RUFY1: variants seen among roughly 807,000 people sequenced by gnomAD.
RUFY1 encodes the protein RUN and FYVE domain-containing protein 1.
A neutral mutation model predicts 94.6 loss-of-function variants in RUFY1; 54 were observed. The observed-to-expected ratio is 0.57, with a 90% CI of 0.46 to 0.72. The LOEUF (loss-of-function observed/expected upper bound fraction) is 0.72, where lower values mean the gene tolerates loss of function less well. Among genes scored for constraint, RUFY1 ranks in the 30% least tolerant of loss-of-function variants. The pLI is 0.00. For synonymous variants in RUFY1, 396 were observed against 347.3 expected (o/e 1.14, Z -1.56); for missense variants, 883 against 883.9 (o/e 1.00, Z 0.01).
chr5:179,598,647 A>G (rs1287674625), intron 13 of RUFY1, 45 bp from the exon 14 acceptor site: 4 of 1,608,794 alleles, frequency 2.5e-6, no homozygotes, highest in Non-Finnish European at 3.4e-6. Flanking sequence ...ATCTTCCGTG[A>G]AAGTCTCCCA....
intron 6 of RUFY1, among the ~76,000 whole-genome samples, chr5:179,577,831 G>A (rs1216674352): frequency 1.5e-5 from 2 of 136,402 alleles, no homozygotes; most frequent in African/African-American, 5.6e-5. Flanking sequence ...CCCGCCTGCC[G>A]AACGGGTAAT....
chr5:179,593,114 C>T (rs1451045775), intron 10 of RUFY1, among the ~76,000 whole-genome samples: 1 of 152,098 alleles, frequency 6.6e-6, no homozygotes, highest in East Asian at 1.9e-4. Context: ...ACAGTCTCAC[C>T]CTGTCACCCA....
rs997652733 is a variant in RUFY1 at position 179,584,597 on chromosome 5, C to T, written c.957-1199C>T. On this transcript the variant is annotated intron_variant, in intron 7 of 17. Transcript: ENST00000319449. Reference sequence around the variant, plus strand: ...AGGAGTTCAAGATCAGTCTGGGTGACATAGTGAAACCTCACCTCTACAAAA... The same window carrying T: ...AGGAGTTCAAGATCAGTCTGGGTGATATAGTGAAACCTCACCTCTACAAAA... Among the ~76,000 whole-genome samples the T allele has an allele frequency of 4.0e-5, 6 of 151,630 alleles. 1 individual carries two copies. Among genetic ancestry groups the T allele is most frequent in the Non-Finnish European group, 8.8e-5 (6 of 67,882 alleles).
At chr5:179,579,657 C>CTTCTTTTTTTTTTTTTTTTTTTTTT (rs1433456916) in intron 6 of RUFY1, among the ~76,000 whole-genome samples, 3 of 50,562 alleles carry the variant, frequency 5.9e-5, no homozygotes, top group Non-Finnish European at 7.5e-5. Flanking sequence ...TTTTCTTCTT[C>CTTCTTTTTTTTTTTTTTTTTTTTTT]TTTTTTTTTT....
rs140884291 is a variant in RUFY1 at position 179,600,570 on chromosome 5, A to G, written c.1762-1322A>G. 7.7e-3 allele frequency among the ~76,000 whole-genome samples: 1,152 copies of G among 149,346 alleles called. 18 individuals are homozygous for G. Among genetic ancestry groups the G allele is most frequent in the African/African-American group, 0.027 (1,101 of 40,646 alleles). On this transcript the variant is annotated intron_variant, in intron 14 of 17. Transcript: ENST00000319449. ...TCTTTGCTGATGCAAGGTTCGTGTG[A>G]TTTTGTGTACAGTTCTTCTATAGAT...
At position 179,609,549 on chromosome 5, in the gene RUFY1, GACAGTGCCAA is replaced by G. The variant is rs1767514169; in HGVS notation, c.*33_*42del. 6.4e-7 allele frequency: 1 copy of G among 1,571,088 alleles called. No homozygotes were observed. Among genetic ancestry groups the G allele is most frequent in the Non-Finnish European group, 8.6e-7 (1 of 1,163,324 alleles). Reference sequence around the variant, plus strand: ...CCGTCCTCAGGAGCACAGCCTCACGGACAGTGCCAAACCCTGTGGGTCTCCAGGGGCTTGG... The same window carrying G: ...CCGTCCTCAGGAGCACAGCCTCACGGACCCTGTGGGTCTCCAGGGGCTTGG... On this transcript the variant is annotated 3_prime_UTR_variant, in exon 18 of 18. Coordinates refer to ENST00000319449, the MANE Select transcript of RUFY1 (RefSeq NM_025158.5).
intron 1 of RUFY1, among the ~76,000 whole-genome samples, chr5:179,556,224 C>G (rs1463661466): frequency 6.6e-6 from 1 of 151,910 alleles, no homozygotes; most frequent in Non-Finnish European, 1.5e-5. Context: ...TACATTTTCC[C>G]TTTTATTCAT....
chr5:179,569,196 A>T, intron 4 of RUFY1, 106 bp from the exon 5 acceptor site: 1 of 1,587,186 alleles, frequency 6.3e-7, no homozygotes, highest in Middle Eastern at 2.1e-4. Context: ...CCACAGCAGT[A>T]TCTTCTGGCT....
At chr5:179,579,654 C>CTTCTTT (rs1324235098) in intron 6 of RUFY1, among the ~76,000 whole-genome samples, 6,589 of 37,262 alleles carry the variant, frequency 0.18, 662 homozygotes, top group South Asian at 0.33. Context: ...CCCTTTTCTT[C>CTTCTTT]TTCTTTTTTT....
rs950002751 is a variant in RUFY1 at position 179,605,876 on chromosome 5, G to A, written c.1857G>A (p.Gln619=). 5.0e-6 allele frequency: 8 copies of A among 1,600,188 alleles called. No individual in the cohort carries two copies. Among genetic ancestry groups the A allele is most frequent in the Non-Finnish European group, 6.8e-6 (8 of 1,173,018 alleles). Residue 619 remains glutamine, a splice_region_variant and synonymous_variant, in exon 16 of 18, where the codon CAG becomes CAA. Coordinates refer to ENST00000319449, the MANE Select transcript of RUFY1 (RefSeq NM_025158.5). The part of the protein sequence containing the change: ...ALQEMGLHLS[Q]SKLKMEDIKE... ...GAAATGGCCTTTTTTTTTTCCTTAG[G>A]TCCAAGCTGAAGATGGAAGATATAA...
At chr5:179,564,940 T>A (rs1762721694) in intron 3 of RUFY1, among the ~76,000 whole-genome samples, 1 of 152,154 alleles carries the variant, frequency 6.6e-6, no homozygotes. Context: ...AGATGACAGA[T>A]ACTCAGCGAA....
At chr5:179,567,733 G>T (rs1361504189) in intron 4 of RUFY1, among the ~76,000 whole-genome samples, 171 bp downstream of exon 4, 1 of 151,736 alleles carries the variant, frequency 6.6e-6, no homozygotes, top group Non-Finnish European at 1.5e-5. Context: ...CGTATTTTTA[G>T]TAGAGACTAA....
chr5:179,604,941 A>G (rs1019818633), intron 15 of RUFY1, among the ~76,000 whole-genome samples: 1 of 150,634 alleles, frequency 6.6e-6, no homozygotes, highest in Non-Finnish European at 1.5e-5. Context: ...CCGAGATCAC[A>G]CCACCGCACT....
In RUFY1 at chr5:179,579,475, C is replaced by T. The variant is rs543090265; in HGVS notation, c.891-1472C>T. Among the ~76,000 whole-genome samples the T allele has an allele frequency of 5.1e-4, 77 of 151,620 alleles. No homozygotes were observed. The South Asian group carries it at 6.9e-3, about 14-fold the overall frequency. The stretch of plus-strand genomic sequence containing the variant: ...CCTCCCAAGTAGCTGAGATTACAGG[C>T]GCCCGCCACCTCACCTGGCTAATTT... On this transcript the variant is annotated intron_variant, in intron 6 of 17. Transcript: ENST00000319449.
In RUFY1 at chr5:179,601,961, C is replaced by T; in HGVS notation, c.1831C>T (p.Gln611Ter). Residue 611 changes from glutamine (Q) to a stop codon, truncating the protein, a stop_gained, in exon 15 of 18, where the codon CAG becomes TAG. Transcript: ENST00000319449. LOFTEE classifies it high-confidence loss of function. ...CTGCGAGGAGCAGGAACAAGCCCTC[C>T]AGGAAATGGGCCTGCACCTCAGCCA... Reference protein sequence around the residue: ...KICEEQEQALQEMGLHLSQSK... With the variant: ...KICEEQEQAL 6.2e-7 allele frequency: 1 copy of T among 1,613,880 alleles called. No individual in the cohort carries two copies. Among genetic ancestry groups the T allele is most frequent in the Non-Finnish European group, 8.5e-7 (1 of 1,179,910 alleles).
chr5:179,595,615 G>T (rs184152494), intron 12 of RUFY1, among the ~76,000 whole-genome samples: 4 of 150,944 alleles, frequency 2.6e-5, no homozygotes. Flanking sequence ...GCAATGGTGC[G>T]ATCTCAGCTC....
At chr5:179,608,302 G>C (rs997056444) in intron 17 of RUFY1, 11 of 985,594 alleles carry the variant, frequency 1.1e-5, no homozygotes, top group Non-Finnish European at 1.3e-5. Flanking sequence ...CTGTGGAAGA[G>C]AGGAAGCCAC....
chr5:179,583,760 A>T (rs1277007905), intron 7 of RUFY1, among the ~76,000 whole-genome samples: 11 of 129,622 alleles, frequency 8.5e-5, no homozygotes, highest in African/African-American at 3.2e-4. Flanking sequence ...ATTTTATTTT[A>T]TTTTTTTGAG....
intron 1 of RUFY1, 98 bp from the exon 2 acceptor site, chr5:179,559,927 C>A: frequency 6.7e-7 from 1 of 1,490,452 alleles, no homozygotes; most frequent in East Asian, 2.4e-5. Context: ...AAGCAGACCG[C>A]CTGGCCTCCT....
Sources: allele counts gnomAD v4.1 joint callset (sites outside exome capture counted in the v4.1 genomes callset), GRCh38; gene constraint gnomAD v4.1.1; transcripts MANE v1.5; gene names NCBI Gene and HGNC (gene_info 2026-07-23, HGNC 2026-07-21).